BCAT1: variants seen among roughly 807,000 people sequenced by gnomAD.
The protein encoded by BCAT1 is branched-chain-amino-acid aminotransferase, cytosolic.
A neutral mutation model predicts 52.4 loss-of-function variants in BCAT1; 48 were observed. The observed-to-expected ratio is 0.92, with a 90% CI of 0.73 to 1.16. BCAT1 has a LOEUF of 1.16. BCAT1 is among the 50% of genes most tolerant of loss of function. The pLI, the probability that BCAT1 is intolerant of heterozygous loss-of-function variation, is 0.00. For synonymous variants in BCAT1, 167 were observed against 161.3 expected (o/e 1.04, Z -0.27); for missense variants, 451 against 457.1 (o/e 0.99, Z 0.12).
At position 24,899,631 on chromosome 12, in the gene BCAT1, T is replaced by C. The variant is rs894267148; in HGVS notation, c.78+2183A>G. Among the ~76,000 whole-genome samples the C allele has an allele frequency of 3.9e-5, 6 of 152,142 alleles. 1 individual carries two copies. The highest frequency in any genetic ancestry group is 1.4e-4 in the African/African-American group (6 of 41,438). The stretch of plus-strand genomic sequence containing the variant: ...ACAATAGTCAAGACATGGAATCACC[T>C]AAGTGTCCATCAATGAACAAATAAA... On this transcript the variant is annotated intron_variant, in intron 2 of 10. Coordinates refer to ENST00000261192, the MANE Select transcript of BCAT1 (RefSeq NM_005504.7).
At chr12:24,843,572 C>T (rs1027161201) in intron 6 of BCAT1, among the ~76,000 whole-genome samples, 1 of 152,094 alleles carries the variant, frequency 6.6e-6, no homozygotes, top group African/African-American at 2.4e-5. Context: ...CACTGCACTC[C>T]AGCCTGGGTG....
In BCAT1 at chr12:24,836,942, GAA is replaced by G. The variant is rs1310990822; in HGVS notation, c.818-348_818-347del. ...AGAAAGAAAGAAAGAAAGAAAGAAA[GAA>G]AGAAAGAAAGAAAAGAGAAAGAAAG... On this transcript the variant is annotated intron_variant, in intron 7 of 10. Coordinates refer to ENST00000261192, the MANE Select transcript of BCAT1 (RefSeq NM_005504.7). Among the ~76,000 whole-genome samples the G allele has an allele frequency of 5.6e-5, 6 of 107,836 alleles. 1 individual carries two copies. The highest frequency in any genetic ancestry group is 2.1e-5 in the Non-Finnish European group (1 of 47,962). 70.7% of individuals were successfully genotyped at this position (107,836 alleles called of 152,430 possible).
At chr12:24,943,905 A>AC (rs1943894221) in intron 1 of BCAT1, among the ~76,000 whole-genome samples, 6 of 152,090 alleles carry the variant, frequency 3.9e-5, no homozygotes, top group Admixed American at 3.3e-4. Flanking sequence ...AATGGCGTGA[A>AC]CCCAGGAGGC....
intron 1 of BCAT1, among the ~76,000 whole-genome samples, chr12:24,906,779 T>C (rs1943233053): frequency 6.6e-6 from 1 of 152,152 alleles, no homozygotes; most frequent in Non-Finnish European, 1.5e-5. Context: ...CTCAAATGCA[T>C]CCAAGTGATG....
At chr12:24,820,129 T>C (rs1215366062) in intron 10 of BCAT1, among the ~76,000 whole-genome samples, 6 of 152,240 alleles carry the variant, frequency 3.9e-5, no homozygotes, top group African/African-American at 1.2e-4. Flanking sequence ...TTAGTTGTTT[T>C]AGTTTTATAA....
At position 24,927,618 on chromosome 12, in the gene BCAT1, G is replaced by A. The variant is rs1943611101; in HGVS notation, c.6+21309C>T. On this transcript the variant is annotated intron_variant, in intron 1 of 10. Transcript: ENST00000261192. ...CATTTTGGAAGGTAGAAAGCTGACAGTAGAGAAGGAACTAACTCTGTAGAT... is the reference window on the plus strand; with the variant it reads ...CATTTTGGAAGGTAGAAAGCTGACAATAGAGAAGGAACTAACTCTGTAGAT... Among the ~76,000 whole-genome samples, 5 of 152,234 alleles carry A rather than the reference G, an allele frequency of 3.3e-5. No homozygotes were observed. In the South Asian group the frequency reaches 8.3e-4, roughly 25 times the overall value.
intron 1 of BCAT1, chr12:24,903,053 G>C: frequency 1.4e-6 from 2 of 1,394,316 alleles, no homozygotes; most frequent in Non-Finnish European, 1.8e-6. Flanking sequence ...GGCTGGAAGC[G>C]AAAGCAGGCG....
At chr12:24,820,655 G>T (rs141056108) in intron 10 of BCAT1, among the ~76,000 whole-genome samples, 45 of 152,252 alleles carry the variant, frequency 3.0e-4, no homozygotes, top group African/African-American at 8.7e-4. Flanking sequence ...AAGCAACGTG[G>T]CAAGTCAGGT....
intron 1 of BCAT1, among the ~76,000 whole-genome samples, chr12:24,905,606 A>C (rs577136519): frequency 3.2e-4 from 48 of 152,352 alleles, no homozygotes; most frequent in Middle Eastern, 3.4e-3. Context: ...ATTTTTCCCT[A>C]CAGTACGGTA....
chr12:24,835,463 C>A (rs746468864), intron 8 of BCAT1, among the ~76,000 whole-genome samples: 3 of 152,140 alleles, frequency 2.0e-5, no homozygotes, highest in Admixed American at 2.0e-4. Flanking sequence ...AAGTTCCATC[C>A]AAGAACCTTT....
intron 5 of BCAT1, among the ~76,000 whole-genome samples, chr12:24,850,369 T>C (rs1338923130): frequency 6.6e-6 from 1 of 152,196 alleles, no homozygotes; most frequent in Non-Finnish European, 1.5e-5. Flanking sequence ...ATCCTTCTGT[T>C]TCATAGCCTA....
chr12:24,813,786 G>A lies in BCAT1; in HGVS notation c.*4222C>T, dbSNP rs968671930. 8 of 152,044 alleles carry A rather than the reference G, an allele frequency of 5.3e-5. No homozygotes were observed. Among genetic ancestry groups the A allele is most frequent in the Non-Finnish European group, 1.0e-4 (7 of 67,936 alleles). The allele number at this position is 152,044 out of a possible 1,614,324, so 9.4% of individuals were successfully genotyped here. Reference sequence around the variant, plus strand: ...GAGATAAACTATTCATTGATTTCTTGATAAGAGATGTGTTCTGGCCTTCTT... The same window carrying A: ...GAGATAAACTATTCATTGATTTCTTAATAAGAGATGTGTTCTGGCCTTCTT... On this transcript the variant is annotated 3_prime_UTR_variant, in exon 11 of 11. Transcript: ENST00000261192.
Position 24,863,767 on chromosome 12 carries a change from C to CA in BCAT1, c.511-13819dup, listed in dbSNP as rs554251127. On this transcript the variant is annotated intron_variant, in intron 5 of 10. Coordinates refer to ENST00000261192, the MANE Select transcript of BCAT1 (RefSeq NM_005504.7). ...GCAACATAGCAAGACCCCATCAATA[C>CA]AAAAAATTTAAAAATCAGCCAGGTG... 1.0e-3 allele frequency among the ~76,000 whole-genome samples: 156 copies of CA among 152,142 alleles called. 2 individuals are homozygous for CA. The East Asian group carries it at 0.022, about 21-fold the overall frequency.
rs1941781873 is a variant in BCAT1, at chr12:24,859,290, ATTGT to A, written c.511-9345_511-9342del. The stretch of plus-strand genomic sequence containing the variant: ...CAAAATAAAGAAGAAAAAGTGAGAC[ATTGT>A]TTGGAAAGCTGTCTTCCCTCTATCA... On this transcript the variant is annotated intron_variant, in intron 5 of 10. Coordinates refer to ENST00000261192, the MANE Select transcript of BCAT1 (RefSeq NM_005504.7). Among the ~76,000 whole-genome samples the A allele has an allele frequency of 3.9e-5, 6 of 152,222 alleles. 1 individual carries two copies. The South Asian group carries it at 1.2e-3, about 31-fold the overall frequency.
chr12:24,892,846 C>A (rs1466350715), intron 3 of BCAT1, among the ~76,000 whole-genome samples: 3 of 147,940 alleles, frequency 2.0e-5, no homozygotes, highest in Admixed American at 1.3e-4. Context: ...GAGCAAGAAT[C>A]TGTCTGAAAA....
intron 6 of BCAT1, among the ~76,000 whole-genome samples, chr12:24,844,483 G>A (rs1298129422): frequency 6.6e-6 from 1 of 152,086 alleles, no homozygotes; most frequent in African/African-American, 2.4e-5. Flanking sequence ...TTTCTGACTT[G>A]CAACTGAAAG....
At chr12:24,882,466 A>G (rs1389440373) in intron 3 of BCAT1, among the ~76,000 whole-genome samples, 1 of 152,224 alleles carries the variant, frequency 6.6e-6, no homozygotes, top group African/African-American at 2.4e-5. Flanking sequence ...ATATATTATT[A>G]GTTTATTAAA....
rs201722928 is a variant in BCAT1 at position 24,835,590 on chromosome 12, TATTTA to T, written c.903+916_903+920del. ...TTATTTATTTATTTATTTATTTATTTATTTAATTTACTTTTAGAGACATGGTCTCA... is the reference window on the plus strand; with the variant it reads ...TTATTTATTTATTTATTTATTTATTTATTTACTTTTAGAGACATGGTCTCA... On this transcript the variant is annotated intron_variant, in intron 8 of 10. Transcript: ENST00000261192. Among the ~76,000 whole-genome samples, 167 of 138,374 alleles carry T rather than the reference TATTTA, an allele frequency of 1.2e-3. 1 individual carries two copies. The highest frequency in any genetic ancestry group is 3.8e-3 in the Middle Eastern group (1 of 266). The allele number at this position is 138,374 out of a possible 152,430, so 90.8% of individuals were successfully genotyped here.
intron 2 of BCAT1, among the ~76,000 whole-genome samples, chr12:24,895,074 G>C (rs1942929261): frequency 1.3e-5 from 2 of 152,176 alleles, no homozygotes; most frequent in African/African-American, 4.8e-5. Flanking sequence ...CTGTGTGGAG[G>C]AAACAGTGAA....
Sources: allele counts gnomAD v4.1 joint callset (sites outside exome capture counted in the v4.1 genomes callset), GRCh38; gene constraint gnomAD v4.1.1; transcripts MANE v1.5; gene names NCBI Gene and HGNC (gene_info 2026-07-23, HGNC 2026-07-21).